GLP1R: variants seen among roughly 807,000 people sequenced by gnomAD.
GLP1R encodes the protein glucagon like peptide 1 receptor.
In GLP1R, 32 loss-of-function variants were observed where a neutral mutation model predicts 68.4. The observed-to-expected ratio is 0.47, with a 90% CI of 0.35 to 0.63. The LOEUF is 0.63. Among genes scored for constraint, GLP1R ranks in the 20% least tolerant of loss-of-function variants. The pLI, the probability that GLP1R is intolerant of heterozygous loss-of-function variation, is 0.00. For missense variants in GLP1R, 502 were observed against 594.9 expected (o/e 0.84, Z 1.62); for synonymous variants, 263 against 244.4 (o/e 1.08, Z -0.71).
intron 1 of GLP1R, among the ~76,000 whole-genome samples, chr6:39,052,354 A>G (rs1242044845): frequency 6.6e-6 from 1 of 152,138 alleles, no homozygotes; most frequent in Admixed American, 6.5e-5. Context: ...GGGAGGTGAC[A>G]CAGAGGAAGG....
chr6:39,084,302 T>A (rs1471478815), intron 12 of GLP1R, among the ~76,000 whole-genome samples: 1 of 152,152 alleles, frequency 6.6e-6, no homozygotes, highest in African/African-American at 2.4e-5. Flanking sequence ...GCCCAATAAA[T>A]ATGGTGATTT....
chr6:39,077,628 GT>G (rs1768865494), intron 7 of GLP1R, among the ~76,000 whole-genome samples: 1 of 152,198 alleles, frequency 6.6e-6, no homozygotes, highest in Non-Finnish European at 1.5e-5. Context: ...CTGATACAAC[GT>G]GGACTAACTA....
Position 39,090,941 on chromosome 6 carries a change from G to C in GLP1R, c.*4868G>C, listed in dbSNP as rs923222924. 1.3e-5 allele frequency among the ~76,000 whole-genome samples: 2 copies of C among 152,176 alleles called. No individual in the cohort carries two copies. Among genetic ancestry groups the C allele is most frequent in the Non-Finnish European group, 2.9e-5 (2 of 68,034 alleles). On this transcript the variant is annotated 3_prime_UTR_variant, in exon 13 of 13. Transcript: ENST00000373256. Reference sequence around the variant, plus strand: ...TTTACACTTTACCTCCAAACCTGCAGTTCTAAGCTACTCCACTAAAATAAT... The same window carrying C: ...TTTACACTTTACCTCCAAACCTGCACTTCTAAGCTACTCCACTAAAATAAT...
rs570019669 is a variant in GLP1R, at chr6:39,080,397, T to G, written c.1183-301T>G. On this transcript the variant is annotated intron_variant, in intron 11 of 12. Coordinates refer to ENST00000373256, the MANE Select transcript of GLP1R (RefSeq NM_002062.5). Reference sequence around the variant, plus strand: ...TCAAGGAGAGGTTGGATGTAGGATCTCTACAGCTTCTGGGCAGCTTCTGAG... The same window carrying G: ...TCAAGGAGAGGTTGGATGTAGGATCGCTACAGCTTCTGGGCAGCTTCTGAG... Among the ~76,000 whole-genome samples the G allele has an allele frequency of 4.6e-5, 7 of 152,336 alleles. No individual in the cohort carries two copies. The East Asian group carries it at 9.6e-4, about 21-fold the overall frequency.
rs964916208 is a variant in GLP1R at position 39,049,532 on chromosome 6, C to G, written c.78+614C>G. ...CCAGTGACCTCCCAGATGGAACCTA[C>G]CCCCCGTCCCCTACCAGCCTCTGTA... On this transcript the variant is annotated intron_variant, in intron 1 of 12. Transcript: ENST00000373256. This position sits in a 1 kb window ranked among gnomAD's most constrained non-coding sequence, Gnocchi z 4.5. Among the ~76,000 whole-genome samples the G allele has an allele frequency of 3.9e-5, 6 of 152,060 alleles. No homozygotes were observed. The East Asian group carries it at 7.7e-4, about 20-fold the overall frequency.
intron 5 of GLP1R, among the ~76,000 whole-genome samples, chr6:39,068,157 AG>A (rs1384142113): frequency 2.0e-5 from 3 of 152,346 alleles, no homozygotes; most frequent in Middle Eastern, 6.8e-3. Flanking sequence ...GAAGGAAGAA[AG>A]GGGTAACTGG....
chr6:39,050,987 G>A (rs950352285), intron 1 of GLP1R, among the ~76,000 whole-genome samples: 25 of 152,074 alleles, frequency 1.6e-4, no homozygotes, highest in African/African-American at 5.6e-4. Flanking sequence ...ATCCCTGCAG[G>A]TAGGGGGATG....
chr6:39,079,618 C>A lies in GLP1R; in HGVS notation c.1098C>A (p.Ile366=), dbSNP rs375885209. The change falls in exon 11 of 13, where the codon ATC becomes ATA. Residue 366 remains isoleucine (I), a synonymous_variant. Transcript: ENST00000373256. The surrounding 1 kb of genome is among the most constrained non-coding windows in gnomAD (Gnocchi z 4.5). ...LIPLLGTHEV[I]FAFVMDEHAR... is the part of the protein sequence containing the mutation. ...CCCTGCTGGGGACTCATGAGGTCAT[C>A]TTTGCCTTTGTGATGGACGAGCACG... 55 of 1,611,444 alleles carry A rather than the reference C, an allele frequency of 3.4e-5. No individual in the cohort carries two copies. Among genetic ancestry groups the A allele is most frequent in the Admixed American group, 8.4e-5 (5 of 59,398 alleles).
At chr6:39,077,627 C>T (rs533496704) in intron 7 of GLP1R, among the ~76,000 whole-genome samples, 24 of 152,334 alleles carry the variant, frequency 1.6e-4, no homozygotes, top group South Asian at 1.2e-3. Context: ...GCTGATACAA[C>T]GTGGACTAAC....
At position 39,091,205 on chromosome 6, in the gene GLP1R, C is replaced by T. The variant is rs1346191952; in HGVS notation, c.*5132C>T. 1.3e-5 allele frequency among the ~76,000 whole-genome samples: 2 copies of T among 152,144 alleles called. No individual in the cohort carries two copies. The highest frequency in any genetic ancestry group is 4.8e-5 in the African/African-American group (2 of 41,414). Reference sequence around the variant, plus strand: ...AAATAGGACCAGCTTCTATAGGTAGCGAATGTGTAGGTCATATAATTCCTT... The same window carrying T: ...AAATAGGACCAGCTTCTATAGGTAGTGAATGTGTAGGTCATATAATTCCTT... On this transcript the variant is annotated 3_prime_UTR_variant, in exon 13 of 13. Coordinates refer to ENST00000373256, the MANE Select transcript of GLP1R (RefSeq NM_002062.5).
rs189969666 is a variant in GLP1R, at chr6:39,086,027, C to A, written c.1346C>A (p.Ala449Glu). The stretch of plus-strand genomic sequence containing the variant: ...AGCAGCCTGAGCAGTGGAGCCACGG[C>A]GGGCAGCAGCATGTACACAGCCACT... The part of the protein sequence containing the change: ...PTSSLSSGAT[A>E]GSSMYTATCQ... Residue 449 changes from alanine to glutamate, a missense_variant, in exon 13 of 13, where the codon GCG becomes GAG. Physicochemically the swap from Ala to Glu is moderately radical, Grantham distance 107 (BLOSUM62 -1). Coordinates refer to ENST00000373256, the MANE Select transcript of GLP1R (RefSeq NM_002062.5). The surrounding 1 kb of genome is among the most constrained non-coding windows in gnomAD (Gnocchi z 4.5). 1.2e-6 allele frequency: 2 copies of A among 1,614,006 alleles called. No homozygotes were observed. The highest frequency in any genetic ancestry group is 1.7e-6 in the Non-Finnish European group (2 of 1,179,946).
Position 39,075,119 on chromosome 6 carries a change from A to G in GLP1R, c.823+1350A>G, listed in dbSNP as rs112376728. 3.3e-3 allele frequency among the ~76,000 whole-genome samples: 498 copies of G among 152,286 alleles called. 1 individual carries two copies. The highest frequency in any genetic ancestry group is 5.2e-3 in the Non-Finnish European group (355 of 68,028). ...TGCCCTGTTCTCTTGCCTGGGCTGCATCCCTTCAGTCCCCTGCAGCACCCC... is the reference window on the plus strand; with the variant it reads ...TGCCCTGTTCTCTTGCCTGGGCTGCGTCCCTTCAGTCCCCTGCAGCACCCC... On this transcript the variant is annotated intron_variant, in intron 7 of 12. Coordinates refer to ENST00000373256, the MANE Select transcript of GLP1R (RefSeq NM_002062.5).
At position 39,073,537 on chromosome 6, in the gene GLP1R, A is replaced by G. The variant is rs953810816; in HGVS notation, c.664-73A>G. 3 of 1,298,020 alleles carry G rather than the reference A, an allele frequency of 2.3e-6. No individual in the cohort carries two copies. The African/African-American group carries it at 4.4e-5, about 19-fold the overall frequency. The allele number at this position is 1,298,020 out of a possible 1,614,324, so 80.4% of individuals were successfully genotyped here. A position where few individuals can be genotyped will look rare whatever the true frequency, so the allele number is the denominator to read the frequency against. ...ACCATGGCAGGATAGTGGCTGGAGC[A>G]GGACGGGGAGTGGTATCAAGAGAGG... On this transcript the variant is annotated intron_variant, in intron 6 of 12. Coordinates refer to ENST00000373256, the MANE Select transcript of GLP1R (RefSeq NM_002062.5).
chr6:39,061,074 C>G (rs75076113), intron 3 of GLP1R, among the ~76,000 whole-genome samples: 2,301 of 152,298 alleles, frequency 0.015, 62 homozygotes, highest in African/African-American at 0.052. Context: ...AATGAGGGTT[C>G]CAGGCAGCAC....
At chr6:39,060,799 C>A (rs898997841) in intron 3 of GLP1R, among the ~76,000 whole-genome samples, 2 of 152,212 alleles carry the variant, frequency 1.3e-5, no homozygotes, top group African/African-American at 2.4e-5. Context: ...AATCACCAGA[C>A]CCCTGAGCTG....
At chr6:39,063,917 C>CACACAG (rs1768423045) in intron 3 of GLP1R, among the ~76,000 whole-genome samples, 1 of 144,002 alleles carries the variant, frequency 6.9e-6, no homozygotes, top group South Asian at 2.2e-4. Context: ...CACACACACA[C>CACACAG]AGACACATAA....
At chr6:39,064,447 A>C (rs565985452) in intron 3 of GLP1R, among the ~76,000 whole-genome samples, 1 of 152,102 alleles carries the variant, frequency 6.6e-6, no homozygotes. Flanking sequence ...AAAATCTTCT[A>C]GTCTTTTAGA....
rs1768119188 is a variant in GLP1R, at chr6:39,052,928, A to G, written c.79-3469A>G. Among the ~76,000 whole-genome samples, 3 of 152,208 alleles carry G rather than the reference A, an allele frequency of 2.0e-5. No homozygotes were observed. In the South Asian group the frequency reaches 6.2e-4, roughly 32 times the overall value. ...TGTCCAGTGCTCCTTCCTGTAGACCACACCACTCCCTCCTGGTGTCCTCTT... is the reference window on the plus strand; with the variant it reads ...TGTCCAGTGCTCCTTCCTGTAGACCGCACCACTCCCTCCTGGTGTCCTCTT... On this transcript the variant is annotated intron_variant, in intron 1 of 12. Coordinates refer to ENST00000373256, the MANE Select transcript of GLP1R (RefSeq NM_002062.5).
At chr6:39,085,412 C>T (rs2235866) in intron 12 of GLP1R, among the ~76,000 whole-genome samples, 18,999 of 152,228 alleles carry the variant, frequency 0.12, 1,619 homozygotes, top group East Asian at 0.47. Context: ...CCCTCCTCCC[C>T]TGTGAGGTGC....
Sources: allele counts gnomAD v4.1 joint callset (sites outside exome capture counted in the v4.1 genomes callset), GRCh38; gene constraint gnomAD v4.1.1; non-coding constraint Gnocchi (gnomAD v3.1); transcripts MANE v1.5; gene names NCBI Gene and HGNC (gene_info 2026-07-23, HGNC 2026-07-21).